Variants in DACH2 observed in about 807,000 individuals in gnomAD.
DACH2 encodes dachshund homolog 2.
DACH2 carries 17 observed loss-of-function variants against 35.8 expected under a neutral mutation model. That is an observed-to-expected ratio of 0.48 (90% CI 0.33 to 0.71). The LOEUF (loss-of-function observed/expected upper bound fraction) is 0.71, where lower values mean the gene tolerates loss of function less well. DACH2 is among the 30% of genes least tolerant of loss of function. The probability of loss-of-function intolerance (pLI) is 0.02; values close to 1 mark genes in which losing one functional copy is unlikely to be tolerated. For synonymous variants in DACH2, 195 were observed against 177.3 expected (o/e 1.10, Z -0.79); for missense variants, 469 against 472.7 (o/e 0.99, Z 0.07).
At chrX:86,304,559 G>A (rs753522064) in intron 1 of DACH2, 55 of 155,558 alleles carry the variant, frequency 3.5e-4, no homozygotes, top group Non-Finnish European at 6.6e-4. Flanking sequence ...AAGAGCTTAC[G>A]ATAACCAGGC....
At chrX:86,748,197 T>G (rs2041733405) in intron 7 of DACH2, among the ~76,000 whole-genome samples, 1 of 112,299 alleles carries the variant, frequency 8.9e-6, no homozygotes, top group Admixed American at 9.5e-5. Flanking sequence ...AGGGTTGGAA[T>G]AAACTTCTTC....
intron 1 of DACH2, among the ~76,000 whole-genome samples, chrX:86,349,536 G>A (rs1234484928): frequency 1.8e-5 from 2 of 112,404 alleles, no homozygotes; most frequent in Non-Finnish European, 3.8e-5. Flanking sequence ...GCCCTCGCCA[G>A]GGACCGTGCC....
At chrX:86,164,477 C>T (rs748269785) in intron 1 of DACH2, among the ~76,000 whole-genome samples, 1 of 111,296 alleles carries the variant, frequency 9.0e-6, no homozygotes, top group East Asian at 2.8e-4. Flanking sequence ...GTTGCGATTG[C>T]CTTTGGTGTC....
intron 1 of DACH2, among the ~76,000 whole-genome samples, chrX:86,287,883 T>A (rs2034186033): frequency 8.9e-6 from 1 of 112,431 alleles, no homozygotes; most frequent in African/African-American, 3.2e-5. Flanking sequence ...CCAGTTTTTG[T>A]ACCTGGTGCC....
chrX:86,666,312 T>TGTGTGTGTGAGA (rs112267843), intron 4 of DACH2, among the ~76,000 whole-genome samples: 1 of 99,935 alleles, frequency 1.0e-5, no homozygotes, highest in Admixed American at 1.1e-4. Flanking sequence ...TGTGTGTGTG[T>TGTGTGTGTGAGA]GAGAGAGAGA....
chrX:86,514,141 C>T, intron 2 of DACH2, 138 bp from the exon 3 acceptor site: 2 of 560,068 alleles, frequency 3.6e-6, no homozygotes, highest in Non-Finnish European at 5.8e-6. Flanking sequence ...CTTAGTAATC[C>T]ACGAAAATAG....
intron 3 of DACH2, among the ~76,000 whole-genome samples, chrX:86,524,629 T>A (rs2038605227): frequency 8.9e-6 from 1 of 112,083 alleles, no homozygotes; most frequent in South Asian, 3.7e-4. Flanking sequence ...GAATCTCAGT[T>A]TCCCAAACAC....
intron 1 of DACH2, among the ~76,000 whole-genome samples, chrX:86,176,262 G>A (rs1306157716): frequency 2.7e-5 from 3 of 111,305 alleles, no homozygotes; most frequent in African/African-American, 9.8e-5. Flanking sequence ...CCAAGAAGGG[G>A]CCAAAGGATT....
At chrX:86,703,751 C>A (rs955780062) in intron 5 of DACH2, among the ~76,000 whole-genome samples, 1 of 111,213 alleles carries the variant, frequency 9.0e-6, no homozygotes, top group Admixed American at 9.5e-5. Context: ...TACATCTAAC[C>A]AATGAGTCGA....
intron 2 of DACH2, among the ~76,000 whole-genome samples, chrX:86,435,088 C>T (rs1008572684): frequency 8.1e-5 from 9 of 111,284 alleles, no homozygotes; most frequent in African/African-American, 2.3e-4. Flanking sequence ...GCCCCATCTC[C>T]AGCATTGGGG....
intron 2 of DACH2, among the ~76,000 whole-genome samples, chrX:86,474,880 C>T (rs943039000): frequency 1.8e-5 from 2 of 111,366 alleles, no homozygotes; most frequent in East Asian, 2.8e-4. Flanking sequence ...ATTACAGGTG[C>T]CCACCACCAT....
chrX:86,360,277 C>T (rs2035717293), intron 1 of DACH2, among the ~76,000 whole-genome samples: 1 of 110,416 alleles, frequency 9.1e-6, no homozygotes, highest in South Asian at 3.9e-4. Context: ...ATCATTATTG[C>T]CAGCCTACAG....
intron 2 of DACH2, among the ~76,000 whole-genome samples, chrX:86,509,928 G>A (rs1171169973): frequency 9.0e-6 from 1 of 111,567 alleles, no homozygotes; most frequent in Admixed American, 9.5e-5. Context: ...TTTCACTTCA[G>A]GAATTCAATT....
At chrX:86,792,914 G>T (rs1349549474) in intron 7 of DACH2, among the ~76,000 whole-genome samples, 1 of 111,357 alleles carries the variant, frequency 9.0e-6, no homozygotes, top group Non-Finnish European at 1.9e-5. Context: ...TGGATCATAT[G>T]GTAGTTCTAT....
At chrX:86,175,125 CCTGGGTCACA>C (rs1206953085) in intron 1 of DACH2, among the ~76,000 whole-genome samples, 1 of 111,399 alleles carries the variant, frequency 9.0e-6, no homozygotes, top group East Asian at 2.8e-4. Flanking sequence ...AGGACTGAGT[CCTGGGTCACA>C]CTGGCCTAAA....
rs1179805277 is a variant in DACH2 at position 86,283,024 on chromosome X, C to T, written c.489-93800C>T. ...CGATCTCCTGACCTCGTGATCCGCC[C>T]GCCTCGGCCTCCCAAAGTGCTGGGA... is the stretch of plus-strand genomic sequence containing the variant. On this transcript the variant is annotated intron_variant, in intron 1 of 11. Transcript: ENST00000373125. Among the ~76,000 whole-genome samples the T allele has an allele frequency of 8.4e-5, 3 of 35,791 alleles. 1 individual carries two copies. The highest frequency in any genetic ancestry group is 1.3e-4 in the Non-Finnish European group (3 of 23,441). 31.1% of individuals were successfully genotyped at this position (35,791 alleles called of 115,157 possible).
intron 2 of DACH2, among the ~76,000 whole-genome samples, chrX:86,482,809 C>A (rs1054418372): frequency 9.1e-6 from 1 of 110,115 alleles, no homozygotes; most frequent in Admixed American, 9.7e-5. Flanking sequence ...ACTATGCAGC[C>A]GTAAAAAATG....
intron 2 of DACH2, among the ~76,000 whole-genome samples, chrX:86,494,885 T>C (rs747955787): frequency 1.1e-3 from 128 of 112,580 alleles, no homozygotes; most frequent in Non-Finnish European, 2.1e-3. Flanking sequence ...GTCACAAATG[T>C]TACATGTAGT....
intron 4 of DACH2, among the ~76,000 whole-genome samples, chrX:86,676,709 A>G (rs2040829506): frequency 8.9e-6 from 1 of 112,307 alleles, no homozygotes; most frequent in Admixed American, 9.5e-5. Flanking sequence ...TGTAACCATA[A>G]AGAGTCCTCA....
Sources: gnomAD v4.1 joint callset for allele counts (sites outside exome capture counted in the v4.1 genomes callset) on GRCh38, gnomAD v4.1.1 for gene constraint, MANE v1.5 for transcripts, NCBI Gene and HGNC (gene_info 2026-07-23, HGNC 2026-07-21) for gene names.